Variants in PSD3 observed in about 807,000 individuals in gnomAD.
PSD3 encodes PH and SEC7 domain-containing protein 3.
Under a neutral mutation model 105.5 loss-of-function variants are expected in PSD3, and 49 were observed. The ratio of observed to expected loss-of-function variants is 0.46; its 90% CI spans 0.37 to 0.59. The LOEUF (loss-of-function observed/expected upper bound fraction) is 0.59. Ranked by LOEUF, PSD3 falls within the 20% of genes least tolerant of loss-of-function variation. The pLI, the probability that PSD3 is intolerant of heterozygous loss-of-function variation, is 0.00. For missense variants in PSD3, 1,561 were observed against 1,263.8 expected (o/e 1.24, Z -3.57); for synonymous variants, 557 against 457.8 (o/e 1.22, Z -2.77).
chr8:19,046,102 C>T (rs1335258372), intron 1 of PSD3, among the ~76,000 whole-genome samples: 1 of 151,938 alleles, frequency 6.6e-6, no homozygotes, highest in African/African-American at 2.4e-5. Flanking sequence ...GGTGAAGTAA[C>T]TAGATCTTTT....
chr8:18,809,223 T>C (rs977259297), intron 4 of PSD3, among the ~76,000 whole-genome samples: 2 of 152,176 alleles, frequency 1.3e-5, no homozygotes, highest in African/African-American at 4.8e-5. Context: ...TTTTTCTTGA[T>C]CAAATCACTT....
chr8:18,789,980 C>G (rs948206071), intron 8 of PSD3, among the ~76,000 whole-genome samples: 4 of 152,126 alleles, frequency 2.6e-5, no homozygotes, highest in Non-Finnish European at 5.9e-5. Context: ...ATAAGCCCCA[C>G]TGACACAACT....
intron 4 of PSD3, among the ~76,000 whole-genome samples, chr8:18,842,955 C>T (rs1814769106): frequency 6.6e-6 from 1 of 152,158 alleles, no homozygotes; most frequent in Non-Finnish European, 1.5e-5. Context: ...AAAACCCATA[C>T]ATTTTCATAT....
At chr8:18,551,239 G>T (rs1402033379) in intron 15 of PSD3, among the ~76,000 whole-genome samples, 6 of 152,048 alleles carry the variant, frequency 3.9e-5, no homozygotes, top group Non-Finnish European at 8.8e-5. Flanking sequence ...ATAAGGCTAG[G>T]ATCACAACCA....
At chr8:18,782,381 G>T (rs1233093887) in intron 8 of PSD3, among the ~76,000 whole-genome samples, 1 of 151,976 alleles carries the variant, frequency 6.6e-6, no homozygotes, top group Non-Finnish European at 1.5e-5. Context: ...AGGCGTTTTG[G>T]CTTTGATTCT....
In PSD3 at chr8:18,532,292, G is replaced by C. The variant is rs1166100694; in HGVS notation, c.*3451C>G. 2.0e-5 allele frequency: 3 copies of C among 152,228 alleles called. No individual in the cohort carries two copies. The highest frequency in any genetic ancestry group is 1.3e-4 in the Admixed American group (2 of 15,286). The allele number at this position is 152,228 out of a possible 1,614,324, so 9.4% of individuals were successfully genotyped here. On this transcript the variant is annotated 3_prime_UTR_variant, in exon 16 of 16. Transcript: ENST00000327040. ...TTGCAAAAATTCTTCCACAATCTCA[G>C]AAGTTCTGTAGCTTGGCCACAGGGT...
chr8:18,763,662 G>A (rs1217750808), intron 9 of PSD3, among the ~76,000 whole-genome samples: 2 of 152,040 alleles, frequency 1.3e-5, no homozygotes, highest in Non-Finnish European at 2.9e-5. Flanking sequence ...GGAGGAAAGG[G>A]AAGGAAAACC....
In PSD3 at chr8:18,571,388, C is replaced by T. The variant is rs189631986; in HGVS notation, c.2784+1140G>A. ...CCTCTGATGGCTCTTTTTCCTATCT[C>T]GTCCCACACCTCACCTAACTGCCTC... On this transcript the variant is annotated intron_variant, in intron 14 of 15. Transcript: ENST00000327040. Among the ~76,000 whole-genome samples, 80 of 152,192 alleles carry T rather than the reference C, an allele frequency of 5.3e-4. 1 individual carries two copies. The highest frequency in any genetic ancestry group is 2.5e-3 in the South Asian group (12 of 4,822).
chr8:18,829,342 A>G (rs1813488076), intron 4 of PSD3, among the ~76,000 whole-genome samples: 1 of 152,222 alleles, frequency 6.6e-6, no homozygotes, highest in Non-Finnish European at 1.5e-5. Context: ...AAAAACACAC[A>G]CAAGGGAGAA....
intron 1 of PSD3, among the ~76,000 whole-genome samples, chr8:18,965,459 G>A (rs1041384411): frequency 3.3e-5 from 5 of 152,298 alleles, no homozygotes; most frequent in East Asian, 3.9e-4. Context: ...TACCCCGTTC[G>A]GCGGGGGTGA....
At chr8:18,771,790 T>C in intron 8 of PSD3, among the ~76,000 whole-genome samples, 1 of 152,334 alleles carries the variant, frequency 6.6e-6, no homozygotes, top group Non-Finnish European at 1.5e-5. Context: ...AGTTCAGTAC[T>C]GTTTCACATT....
At chr8:18,744,819 C>A (rs1181197570) in intron 9 of PSD3, among the ~76,000 whole-genome samples, 3 of 152,232 alleles carry the variant, frequency 2.0e-5, no homozygotes, top group African/African-American at 7.2e-5. Flanking sequence ...ATGATCCTCT[C>A]TAGAACCCAC....
chr8:18,901,815 G>A (rs535439021), intron 2 of PSD3, among the ~76,000 whole-genome samples: 27 of 152,040 alleles, frequency 1.8e-4, no homozygotes, highest in African/African-American at 5.8e-4. Flanking sequence ...TTCCTGGCTG[G>A]CAGTATTTCT....
intron 1 of PSD3, among the ~76,000 whole-genome samples, chr8:19,025,437 G>A (rs1827514492): frequency 6.6e-6 from 1 of 152,098 alleles, no homozygotes; most frequent in South Asian, 2.1e-4. Context: ...TTTTCACTTT[G>A]CCACAAAGCT....
chr8:18,973,537 C>T (rs1244518103), intron 1 of PSD3, among the ~76,000 whole-genome samples: 1 of 152,112 alleles, frequency 6.6e-6, no homozygotes, highest in Non-Finnish European at 1.5e-5. Context: ...GGATTAGGGG[C>T]CCATCCTTAT....
chr8:19,079,410 A>G (rs1374020450), intron 1 of PSD3, among the ~76,000 whole-genome samples: 1 of 152,188 alleles, frequency 6.6e-6, no homozygotes, highest in Non-Finnish European at 1.5e-5. Context: ...GCATTTGTGC[A>G]TGCTCTTTCT....
intron 10 of PSD3, among the ~76,000 whole-genome samples, chr8:18,651,571 A>G (rs993392051): frequency 6.6e-6 from 1 of 152,228 alleles, no homozygotes; most frequent in Non-Finnish European, 1.5e-5. Flanking sequence ...AGAGGAGATA[A>G]AGGGACAAAT....
At chr8:19,013,472 G>T in intron 1 of PSD3, 91 bp downstream of exon 1, 1 of 1,550,440 alleles carries the variant, frequency 6.4e-7, no homozygotes, top group South Asian at 1.1e-5. Flanking sequence ...GGATCCTGGG[G>T]GACAGAGCGG....
At chr8:18,781,137 C>T (rs1464785763) in intron 8 of PSD3, among the ~76,000 whole-genome samples, 1 of 152,130 alleles carries the variant, frequency 6.6e-6, no homozygotes, top group African/African-American at 2.4e-5. Flanking sequence ...TTCCATCCAC[C>T]ACGTTGATTT....
Sources: allele counts gnomAD v4.1 joint callset (sites outside exome capture counted in the v4.1 genomes callset), GRCh38; gene constraint gnomAD v4.1.1; transcripts MANE v1.5; gene names NCBI Gene and HGNC (gene_info 2026-07-23, HGNC 2026-07-21).